Variants in CTNNA3 observed in about 807,000 individuals in gnomAD.
CTNNA3 encodes catenin alpha 3, also known as catenin alpha-3.
CTNNA3 carries 76 observed loss-of-function variants against 95.7 expected under a neutral mutation model. The observed-to-expected ratio is 0.79, with a 90% CI of 0.66 to 0.96. CTNNA3 has a LOEUF of 0.96. Among genes scored for constraint, CTNNA3 ranks in the 40% least tolerant of loss-of-function variants. CTNNA3 has a pLI of 0.00. For missense variants in CTNNA3, 1,191 were observed against 1,089.8 expected (o/e 1.09, Z -1.31); for synonymous variants, 431 against 374.4 (o/e 1.15, Z -1.74).
At chr10:66,555,848 C>T (rs1467738372) in intron 10 of CTNNA3, among the ~76,000 whole-genome samples, 1 of 151,948 alleles carries the variant, frequency 6.6e-6, no homozygotes, top group East Asian at 1.9e-4. Flanking sequence ...GTACAGCAAA[C>T]AAGAGCACAA....
intron 9 of CTNNA3, among the ~76,000 whole-genome samples, chr10:66,686,608 T>C (rs1847307446): frequency 6.6e-6 from 1 of 152,204 alleles, no homozygotes; most frequent in African/African-American, 2.4e-5. Flanking sequence ...TTTGAACCAG[T>C]GATTGCAGAC....
chr10:66,931,101 G>A (rs1847361315), intron 7 of CTNNA3, among the ~76,000 whole-genome samples: 1 of 148,224 alleles, frequency 6.7e-6, no homozygotes, highest in Non-Finnish European at 1.5e-5. Flanking sequence ...AGTATTTCAA[G>A]TTCATGCAGA....
intron 10 of CTNNA3, among the ~76,000 whole-genome samples, chr10:66,615,366 C>G (rs1456378542): frequency 6.6e-6 from 1 of 151,778 alleles, no homozygotes; most frequent in East Asian, 1.9e-4. Context: ...TAAGTCAGTC[C>G]CCATATCACG....
intron 1 of CTNNA3, among the ~76,000 whole-genome samples, chr10:67,680,471 C>T (rs147993864): frequency 1.3e-5 from 2 of 152,266 alleles, no homozygotes; most frequent in Admixed American, 6.5e-5. Context: ...GGAATCAGAT[C>T]CTTCTAGGAA....
At chr10:67,690,416 C>A (rs1840820852) in intron 1 of CTNNA3, among the ~76,000 whole-genome samples, 1 of 152,114 alleles carries the variant, frequency 6.6e-6, no homozygotes, top group African/African-American at 2.4e-5. Flanking sequence ...CTCAGGTAGC[C>A]AGCTTTTATT....
intron 5 of CTNNA3, among the ~76,000 whole-genome samples, chr10:67,239,150 G>A (rs527430743): frequency 6.6e-6 from 1 of 152,198 alleles, no homozygotes; most frequent in East Asian, 1.9e-4. Flanking sequence ...GACTACTTTG[G>A]AAAATGATTT....
intron 7 of CTNNA3, among the ~76,000 whole-genome samples, chr10:67,165,578 G>A (rs1295665058): frequency 6.6e-6 from 1 of 152,078 alleles, no homozygotes; most frequent in Non-Finnish European, 1.5e-5. Flanking sequence ...ATAGGAAACT[G>A]GGCAAAGGGT....
intron 11 of CTNNA3, among the ~76,000 whole-genome samples, chr10:66,394,550 TAAAAAA>T (rs71035137): frequency 7.0e-5 from 9 of 128,134 alleles, no homozygotes; most frequent in Admixed American, 8.0e-5. Flanking sequence ...AGCACTGGGT[TAAAAAA>T]AAAAAAAAAA....
intron 7 of CTNNA3, among the ~76,000 whole-genome samples, chr10:66,931,261 A>G (rs1847373678): frequency 6.6e-6 from 1 of 150,750 alleles, no homozygotes; most frequent in Non-Finnish European, 1.5e-5. Flanking sequence ...TTGCTTTACC[A>G]AAACAGAGAA....
chr10:66,706,520 A>T (rs1848123408), intron 9 of CTNNA3, among the ~76,000 whole-genome samples: 1 of 151,906 alleles, frequency 6.6e-6, no homozygotes, highest in African/African-American at 2.4e-5. Context: ...AAACACACCA[A>T]ACAGCAGTGG....
At chr10:66,912,142 A>G (rs924640901) in intron 7 of CTNNA3, among the ~76,000 whole-genome samples, 4 of 152,186 alleles carry the variant, frequency 2.6e-5, no homozygotes, top group African/African-American at 9.6e-5. Flanking sequence ...ATTATACATA[A>G]GTGGTTGCCT....
chr10:66,042,559 T>G lies in CTNNA3; in HGVS notation c.2159+26749A>C, dbSNP rs2079717301. Among the ~76,000 whole-genome samples the G allele has an allele frequency of 2.0e-5, 3 of 151,880 alleles. No homozygotes were observed. In the South Asian group the frequency reaches 6.2e-4, roughly 32 times the overall value. ...TGAGATTTAGATAAAGAGGGTCATA[T>G]CTAAAAGATAAATGTTGAATGGAGA... is the stretch of plus-strand genomic sequence containing the variant. On this transcript the variant is annotated intron_variant, in intron 15 of 17. Transcript: ENST00000433211.
At chr10:66,964,904 C>T (rs1849316824) in intron 7 of CTNNA3, among the ~76,000 whole-genome samples, 1 of 152,122 alleles carries the variant, frequency 6.6e-6, no homozygotes, top group Non-Finnish European at 1.5e-5. Flanking sequence ...TGTAAAAAAC[C>T]TGTGTTTAGA....
At chr10:67,309,394 C>T (rs1840691338) in intron 5 of CTNNA3, among the ~76,000 whole-genome samples, 1 of 152,074 alleles carries the variant, frequency 6.6e-6, no homozygotes, top group Non-Finnish European at 1.5e-5. Context: ...TCCTACATTT[C>T]ACTCTGTAGG....
chr10:66,654,139 C>A (rs1037782696), intron 9 of CTNNA3, among the ~76,000 whole-genome samples: 1 of 151,542 alleles, frequency 6.6e-6, no homozygotes, highest in African/African-American at 2.4e-5. Flanking sequence ...TTCTTCACAG[C>A]CAAGGAAATA....
chr10:66,504,499 T>A (rs1383691157), intron 11 of CTNNA3, among the ~76,000 whole-genome samples: 2 of 152,188 alleles, frequency 1.3e-5, no homozygotes, highest in African/African-American at 2.4e-5. Flanking sequence ...TTGATGCTGT[T>A]CTCACCAGCC....
intron 5 of CTNNA3, among the ~76,000 whole-genome samples, chr10:67,295,956 A>G (rs1827390395): frequency 6.6e-6 from 1 of 152,176 alleles, no homozygotes; most frequent in Non-Finnish European, 1.5e-5. Context: ...GATGCTCAGG[A>G]TGCGCAGTTC....
intron 14 of CTNNA3, 39 bp from the exon 15 acceptor site, chr10:66,069,528 A>G (rs1292419876): frequency 1.3e-6 from 2 of 1,488,014 alleles, no homozygotes; most frequent in African/African-American, 1.4e-5. Flanking sequence ...TCATTCCACT[A>G]TGTCAAAAGC....
At chr10:66,621,610 A>G (rs1470949867) in intron 10 of CTNNA3, 82 bp downstream of exon 10, 1 of 812,204 alleles carries the variant, frequency 1.2e-6, no homozygotes, top group Non-Finnish European at 1.9e-6. Context: ...AAAAAGAAAA[A>G]AAAATAGTGT....
Sources: gnomAD v4.1 joint callset for allele counts (sites outside exome capture counted in the v4.1 genomes callset) on GRCh38, gnomAD v4.1.1 for gene constraint, MANE v1.5 for transcripts, NCBI Gene and HGNC (gene_info 2026-07-23, HGNC 2026-07-21) for gene names.